The following SLC12A7 variants were observed in gnomAD, a reference collection of about 807,000 sequenced individuals.
SLC12A7 encodes K-Cl cotransporter 4.
Under a neutral mutation model 120.6 loss-of-function variants are expected in SLC12A7, and 100 were observed. The ratio of observed to expected loss-of-function variants is 0.83; its 90% CI spans 0.71 to 0.98. The LOEUF (loss-of-function observed/expected upper bound fraction) is 0.98. Ranked by LOEUF, SLC12A7 falls within the 50% of genes least tolerant of loss-of-function variation. SLC12A7 has a pLI of 0.00. For missense variants in SLC12A7, 1,373 were observed against 1,548.1 expected (o/e 0.89, Z 1.90); for synonymous variants, 760 against 678.0 (o/e 1.12, Z -1.88).
the SLC12A7 span, among the ~76,000 whole-genome samples, chr5:1,120,168 C>T: frequency 6.6e-6 from 1 of 152,242 alleles, no homozygotes; most frequent in Non-Finnish European, 1.5e-5. Flanking sequence ...CTGCCACAGC[C>T]CCAAACATGC....
the SLC12A7 span, among the ~76,000 whole-genome samples, chr5:1,122,070 C>T: frequency 6.6e-6 from 1 of 152,282 alleles, no homozygotes; most frequent in Middle Eastern, 3.4e-3. Flanking sequence ...GCCTTGTGCC[C>T]CGGGCCCACG....
At position 1,076,170 on chromosome 5, in the gene SLC12A7, G is replaced by A. The variant is rs1738310596; in HGVS notation, c.1815C>T (p.Pro605=). The A allele has an allele frequency of 6.2e-7, 1 of 1,612,192 alleles. No individual in the cohort carries two copies. Among genetic ancestry groups the A allele is most frequent in the Non-Finnish European group, 8.5e-7 (1 of 1,179,550 alleles). Residue 605 remains proline (P), a synonymous_variant, in exon 14 of 24, where the codon CCC becomes CCT. Coordinates refer to ENST00000264930, the MANE Select transcript of SLC12A7 (RefSeq NM_006598.3). ...ACAVQTLLRT[P]NWRPRFKFYH... ...AGAACTTGAAGCGTGGACGCCAGTT[G>A]GGGGTACGTAGCAGGGTCTGCACGG...
the SLC12A7 span, among the ~76,000 whole-genome samples, chr5:1,152,528 C>T: frequency 6.6e-6 from 1 of 152,142 alleles, no homozygotes; most frequent in Admixed American, 6.5e-5. Context: ...AGAGAAGGGA[C>T]CCATCCCCTA....
intron 22 of SLC12A7, among the ~76,000 whole-genome samples, chr5:1,055,689 T>G (rs907870010): frequency 2.8e-4 from 42 of 152,164 alleles, no homozygotes; most frequent in Admixed American, 2.2e-3. Context: ...GAGGCACAGG[T>G]GCCACTGAGG....
intron 17 of SLC12A7, among the ~76,000 whole-genome samples, chr5:1,066,432 A>G (rs1275313505): frequency 6.6e-6 from 1 of 152,178 alleles, no homozygotes; most frequent in African/African-American, 2.4e-5. Context: ...CAGGCCTGAG[A>G]CTTCAGGAGA....
chr5:1,112,871 T>TCCC (rs70957329), upstream of SLC12A7, among the ~76,000 whole-genome samples: 5 of 112,050 alleles, frequency 4.5e-5, no homozygotes, highest in East Asian at 6.1e-4. Flanking sequence ...GTAGAGGGAG[T>TCCC]CCCCCCCCCC....
intron 17 of SLC12A7, among the ~76,000 whole-genome samples, chr5:1,067,735 A>G (rs1737206950): frequency 6.6e-6 from 1 of 152,228 alleles, no homozygotes; most frequent in Non-Finnish European, 1.5e-5. Flanking sequence ...ACCACCTTGC[A>G]GGACTGCAGG....
In SLC12A7 at chr5:1,065,494, C is replaced by G. The variant is rs201462342; in HGVS notation, c.2242-16G>C. Reference sequence around the variant, plus strand: ...ACCGTATGTTCTGCGGGAGACAGGACAGGTTGGTGCTACAGCAGGAATGGG... The same window carrying G: ...ACCGTATGTTCTGCGGGAGACAGGAGAGGTTGGTGCTACAGCAGGAATGGG... On this transcript the variant is annotated splice_polypyrimidine_tract_variant and intron_variant, in intron 17 of 23. Transcript: ENST00000264930. The G allele has an allele frequency of 2.2e-5, 34 of 1,548,830 alleles. 1 individual carries two copies. The African/African-American group carries it at 3.0e-4, about 14-fold the overall frequency.
chr5:1,090,310 T>C (rs780754837), intron 3 of SLC12A7, among the ~76,000 whole-genome samples: 2 of 152,038 alleles, frequency 1.3e-5, no homozygotes, highest in Non-Finnish European at 2.9e-5. Context: ...GGAAAAATAA[T>C]GTAAGAGCAG....
intron 23 of SLC12A7, among the ~76,000 whole-genome samples, chr5:1,052,973 G>T (rs1735215608): frequency 6.6e-6 from 1 of 152,208 alleles, no homozygotes; most frequent in South Asian, 2.1e-4. Flanking sequence ...CCGAGAGCTG[G>T]GCTCCTCACC....
At chr5:1,128,704 G>A in the SLC12A7 span, among the ~76,000 whole-genome samples, 7 of 152,230 alleles carry the variant, frequency 4.6e-5, no homozygotes, top group South Asian at 8.3e-4. Context: ...AGGCTGCAGC[G>A]GAGCATGTGT....
At chr5:1,149,526 G>A in the SLC12A7 span, among the ~76,000 whole-genome samples, 5 of 152,134 alleles carry the variant, frequency 3.3e-5, no homozygotes, top group African/African-American at 4.8e-5. Context: ...GTAGTGAGCC[G>A]AGATGGTGCC....
chr5:1,142,552 GTCTC>G, the SLC12A7 span, among the ~76,000 whole-genome samples: 3 of 120,720 alleles, frequency 2.5e-5, no homozygotes, highest in South Asian at 3.2e-4. Context: ...CTCTGTGTGT[GTCTC>G]TCTCTCTGTC....
the SLC12A7 span, among the ~76,000 whole-genome samples, chr5:1,125,236 C>T: frequency 5.3e-5 from 8 of 150,952 alleles, no homozygotes; most frequent in East Asian, 1.9e-4. Flanking sequence ...AAGAGTGAGC[C>T]GTGATCGGAA....
rs1442319554 is a variant in SLC12A7, at chr5:1,077,948, CA to C, written c.1513del (p.Trp505GlyfsTer56). The C allele has an allele frequency of 1.9e-6, 3 of 1,600,980 alleles. No individual in the cohort carries two copies. Among genetic ancestry groups the C allele is most frequent in the East Asian group, 2.3e-5 (1 of 44,120 alleles). On this transcript the variant is annotated frameshift_variant, in exon 12 of 24. Coordinates refer to ENST00000264930, the MANE Select transcript of SLC12A7 (RefSeq NM_006598.3). LOFTEE classifies it high-confidence loss of function. ...VIGMLAWPSP[W>X]VIVIGSFFST... The stretch of plus-strand genomic sequence containing the variant: ...GAAGAAGGAGCCGATGACGATGACC[CA>C]GGGGGAGGGCCAGGCCAGCATGCCG...
At position 1,112,012 on chromosome 5, in the gene SLC12A7, C is replaced by A; in HGVS notation, c.-21G>T. 7.9e-7 allele frequency: 1 copy of A among 1,259,332 alleles called. No homozygotes were observed. The highest frequency in any genetic ancestry group is 3.1e-4 in the Middle Eastern group (1 of 3,204). The allele number at this position is 1,259,332 out of a possible 1,614,324, so 78.0% of individuals were successfully genotyped here. A position where few individuals can be genotyped will look rare whatever the true frequency, so the allele number is the denominator to read the frequency against. Reference sequence around the variant, plus strand: ...GGCATGGCCGCCTGCAGCCGACAGTCCCCGTCCCGGCCCGGCCCGCGCTGC... The same window carrying A: ...GGCATGGCCGCCTGCAGCCGACAGTACCCGTCCCGGCCCGGCCCGCGCTGC... On this transcript the variant is annotated 5_prime_UTR_variant, in exon 1 of 24. Coordinates refer to ENST00000264930, the MANE Select transcript of SLC12A7 (RefSeq NM_006598.3).
the SLC12A7 span, among the ~76,000 whole-genome samples, chr5:1,133,657 A>G: frequency 6.6e-6 from 1 of 152,186 alleles, no homozygotes; most frequent in Admixed American, 6.5e-5. Context: ...ATCCCAAAGC[A>G]CTGTCAGAGA....
chr5:1,132,085 T>C, the SLC12A7 span, among the ~76,000 whole-genome samples: 40 of 152,240 alleles, frequency 2.6e-4, no homozygotes, highest in South Asian at 7.3e-3. Context: ...ATAAAACAAG[T>C]TGTGGTCAGG....
chr5:1,093,399 G>C lies in SLC12A7; in HGVS notation c.342+134C>G, dbSNP rs1427734107. Reference sequence around the variant, plus strand: ...AGGCACCATCGAGCCCTCCCAGGAAGAAAGGGCTGGACGTGGCCATGATAC... The same window carrying C: ...AGGCACCATCGAGCCCTCCCAGGAACAAAGGGCTGGACGTGGCCATGATAC... On this transcript the variant is annotated intron_variant, in intron 3 of 23. Coordinates refer to ENST00000264930, the MANE Select transcript of SLC12A7 (RefSeq NM_006598.3). 6 of 904,542 alleles carry C rather than the reference G, an allele frequency of 6.6e-6. No individual in the cohort carries two copies. In the Admixed American group the frequency reaches 1.4e-4, roughly 21 times the overall value. The allele number at this position is 904,542 out of a possible 1,614,324, so 56.0% of individuals were successfully genotyped here.
Sources: allele counts gnomAD v4.1 joint callset (sites outside exome capture counted in the v4.1 genomes callset), GRCh38; gene constraint gnomAD v4.1.1; transcripts MANE v1.5; gene names NCBI Gene and HGNC (gene_info 2026-07-23, HGNC 2026-07-21).